The following JAM3 variants were observed in gnomAD, a reference collection of about 807,000 sequenced individuals.
JAM3 encodes the protein junctional adhesion molecule 3, also known as junctional adhesion molecule C.
In JAM3, 31 loss-of-function variants were observed where a neutral mutation model predicts 39.4. The ratio of observed to expected loss-of-function variants is 0.79; its 90% CI spans 0.59 to 1.06. The LOEUF (loss-of-function observed/expected upper bound fraction) is 1.06. Ranked by LOEUF, JAM3 falls within the 50% of genes least tolerant of loss-of-function variation. JAM3 has a pLI of 0.00. For missense variants in JAM3, 455 were observed against 391.4 expected (o/e 1.16, Z -1.37); for synonymous variants, 182 against 148.7 (o/e 1.22, Z -1.63).
chr11:134,141,800 G>A (rs1008645950), intron 3 of JAM3, among the ~76,000 whole-genome samples: 4 of 152,080 alleles, frequency 2.6e-5, no homozygotes, highest in African/African-American at 7.2e-5. Flanking sequence ...AGAGGAGGAT[G>A]GCATCCTTTT....
intron 1 of JAM3, among the ~76,000 whole-genome samples, chr11:134,123,466 G>C (rs1942576793): frequency 1.3e-5 from 2 of 152,100 alleles, no homozygotes; most frequent in Non-Finnish European, 2.9e-5. Context: ...CCAGACAGAT[G>C]GTTCTGCACA....
intron 1 of JAM3, among the ~76,000 whole-genome samples, chr11:134,110,801 T>C (rs1942293993): frequency 6.6e-6 from 1 of 152,168 alleles, no homozygotes; most frequent in East Asian, 1.9e-4. Context: ...ATGCTAAATT[T>C]TATCGAATTA....
At chr11:134,143,238 C>G (rs1360901266) in intron 3 of JAM3, among the ~76,000 whole-genome samples, 3 of 152,124 alleles carry the variant, frequency 2.0e-5, no homozygotes, top group Non-Finnish European at 4.4e-5. Context: ...ACATCCTTAC[C>G]AACACTTGTT....
chr11:134,105,283 G>A (rs533348686), intron 1 of JAM3, among the ~76,000 whole-genome samples: 1 of 152,228 alleles, frequency 6.6e-6, no homozygotes, highest in Admixed American at 6.5e-5. Flanking sequence ...TGCAGAAAAG[G>A]CCTTTGACAA....
At chr11:134,130,574 G>C (rs905818863) in intron 1 of JAM3, among the ~76,000 whole-genome samples, 3 of 152,178 alleles carry the variant, frequency 2.0e-5, no homozygotes, top group Non-Finnish European at 2.9e-5. Context: ...CGACGTTGTA[G>C]AAGCTCTGAA....
chr11:134,070,703 A>C (rs142072410), intron 1 of JAM3, among the ~76,000 whole-genome samples: 1,548 of 152,348 alleles, frequency 0.01, 21 homozygotes, highest in African/African-American at 0.033. Context: ...TGTTCACGTG[A>C]AAGTTTGCAG....
At chr11:134,128,157 T>G (rs1942689464) in intron 1 of JAM3, among the ~76,000 whole-genome samples, 3 of 152,206 alleles carry the variant, frequency 2.0e-5, no homozygotes. Context: ...ATATTGTTAT[T>G]ATCACTTGAG....
intron 1 of JAM3, among the ~76,000 whole-genome samples, chr11:134,069,901 G>A (rs1219786683): frequency 6.6e-6 from 1 of 151,966 alleles, no homozygotes; most frequent in Non-Finnish European, 1.5e-5. Flanking sequence ...TTTTGTCTCT[G>A]GCCTGGCCGA....
intron 1 of JAM3, among the ~76,000 whole-genome samples, chr11:134,071,741 C>T (rs75604138): frequency 0.022 from 3,376 of 152,110 alleles, 53 homozygotes; most frequent in Middle Eastern, 0.065. Context: ...TGTTTGGACT[C>T]CAGTAACGTT....
chr11:134,129,739 C>T lies in JAM3; in HGVS notation c.77-10112C>T, dbSNP rs561539450. Among the ~76,000 whole-genome samples the T allele has an allele frequency of 5.6e-4, 86 of 152,296 alleles. 1 individual carries two copies. Among genetic ancestry groups the T allele is most frequent in the African/African-American group, 1.8e-3 (74 of 41,560 alleles). On this transcript the variant is annotated intron_variant, in intron 1 of 8. Coordinates refer to ENST00000299106, the MANE Select transcript of JAM3 (RefSeq NM_032801.5). ...CTAAGAGGCCAGGCGTGATGGCTTA[C>T]GCCTGTAAGCCTAACACTTTGGGAG...
chr11:134,144,768 A>G (rs777394961), intron 4 of JAM3, 24 bp from the exon 5 acceptor site: 3 of 1,566,824 alleles, frequency 1.9e-6, no homozygotes, highest in Non-Finnish European at 2.6e-6. Flanking sequence ...TGAGATCTTA[A>G]ACACCACCCC....
At chr11:134,108,292 TA>T (rs902877291) in intron 1 of JAM3, among the ~76,000 whole-genome samples, 14 of 147,902 alleles carry the variant, frequency 9.5e-5, no homozygotes, top group Admixed American at 3.4e-4. Context: ...AATTTATAGT[TA>T]AAAAAAAAAC....
chr11:134,097,828 T>G (rs1342796242), intron 1 of JAM3, among the ~76,000 whole-genome samples: 1 of 151,588 alleles, frequency 6.6e-6, no homozygotes, highest in Non-Finnish European at 1.5e-5. Context: ...ATTTTTAAAT[T>G]TAAAGTCTAT....
rs752559365 is a variant in JAM3 at position 134,148,693 on chromosome 11, T to C, written c.842+17T>C. ...TGGAGAAAGGTGAGCCTGCCTTATG[T>C]GAAAAAAGGGAAGTTCAAGCTGGCA... On this transcript the variant is annotated intron_variant, in intron 7 of 8. Transcript: ENST00000299106. 1 of 1,613,962 alleles carries C rather than the reference T, an allele frequency of 6.2e-7. No homozygotes were observed. Among genetic ancestry groups the C allele is most frequent in the Admixed American group, 1.7e-5 (1 of 59,998 alleles).
chr11:134,105,313 C>T (rs1289166526), intron 1 of JAM3, among the ~76,000 whole-genome samples: 2 of 152,120 alleles, frequency 1.3e-5, no homozygotes, highest in Non-Finnish European at 2.9e-5. Flanking sequence ...GCCCTTCATG[C>T]TAAAAACTCT....
Position 134,099,711 on chromosome 11 carries a change from ATTC to A in JAM3, c.76+30557_76+30559del, listed in dbSNP as rs539172436. On this transcript the variant is annotated intron_variant, in intron 1 of 8. Coordinates refer to ENST00000299106, the MANE Select transcript of JAM3 (RefSeq NM_032801.5). ...AACCTCCACCTCTTGGTCTCAAGCA[ATTC>A]TTCTGCCTCAGCCTCCTGAGTAGCT... 2.2e-4 allele frequency among the ~76,000 whole-genome samples: 33 copies of A among 152,254 alleles called. No individual in the cohort carries two copies. The East Asian group carries it at 6.2e-3, about 29-fold the overall frequency.
At chr11:134,135,761 TAA>T (rs1942853511) in intron 1 of JAM3, among the ~76,000 whole-genome samples, 1 of 152,024 alleles carries the variant, frequency 6.6e-6, no homozygotes, top group Admixed American at 6.6e-5. Context: ...TAGTATATAA[TAA>T]GAGATAAATA....
At chr11:134,069,325 A>G (rs1158748227) in intron 1 of JAM3, among the ~76,000 whole-genome samples, 166 bp downstream of exon 1, 1 of 152,048 alleles carries the variant, frequency 6.6e-6, no homozygotes. Flanking sequence ...CCCCGCAGCC[A>G]GGGCTGGGAC....
rs371169577 is a variant in JAM3, at chr11:134,149,246, C to G, written c.*65C>G. ...ACATACCTCTGCTAGAAACTCCTGTCAAGGCAGCGAGAGCTGATGCACTCG... is the reference window on the plus strand; with the variant it reads ...ACATACCTCTGCTAGAAACTCCTGTGAAGGCAGCGAGAGCTGATGCACTCG... On this transcript the variant is annotated 3_prime_UTR_variant, in exon 9 of 9. Transcript: ENST00000299106. 23 of 1,599,774 alleles carry G rather than the reference C, an allele frequency of 1.4e-5. 1 individual carries two copies. Among genetic ancestry groups the G allele is most frequent in the South Asian group, 4.4e-5 (4 of 90,502 alleles).
Sources: allele counts gnomAD v4.1 joint callset (sites outside exome capture counted in the v4.1 genomes callset), GRCh38; gene constraint gnomAD v4.1.1; transcripts MANE v1.5; gene names NCBI Gene and HGNC (gene_info 2026-07-23, HGNC 2026-07-21).